Variants in SCYL2 observed in about 807,000 individuals in gnomAD.
SCYL2 encodes SCY1-like protein 2.
A neutral mutation model predicts 100.4 loss-of-function variants in SCYL2; 36 were observed. That is an observed-to-expected ratio of 0.36 (90% CI 0.27 to 0.47). The LOEUF is 0.47. Ranked by LOEUF, SCYL2 falls within the 20% of genes least tolerant of loss-of-function variation. The pLI is 1.00. For missense variants in SCYL2, 902 were observed against 1,083.9 expected (o/e 0.83, Z 2.36); for synonymous variants, 330 against 359.2 (o/e 0.92, Z 0.92).
intron 14 of SCYL2, among the ~76,000 whole-genome samples, chr12:100,334,522 C>G (rs1342040498): frequency 2.0e-5 from 3 of 151,940 alleles, no homozygotes; most frequent in Non-Finnish European, 4.4e-5. Context: ...AAAGAAAATT[C>G]TGTTTCTGAA....
intron 14 of SCYL2, 97 bp downstream of exon 14, chr12:100,334,363 A>T: frequency 1.3e-6 from 1 of 767,256 alleles, no homozygotes; most frequent in South Asian, 1.5e-5. Flanking sequence ...AACTTGCTGG[A>T]TTTAAATTTG....
chr12:100,315,059 C>T (rs1200927944), intron 8 of SCYL2, among the ~76,000 whole-genome samples: 1 of 152,176 alleles, frequency 6.6e-6, no homozygotes, highest in Non-Finnish European at 1.5e-5. Context: ...GTTGTAAAAA[C>T]ATTTCCAGTG....
chr12:100,339,894 C>CT lies in SCYL2; in HGVS notation c.*728dup, dbSNP rs1952331453. The CT allele has an allele frequency of 6.6e-6, 1 of 152,406 alleles. No homozygotes were observed. Among genetic ancestry groups the CT allele is most frequent in the Non-Finnish European group, 1.5e-5 (1 of 67,998 alleles). The allele number at this position is 152,406 out of a possible 1,614,324, so 9.4% of individuals were successfully genotyped here. Reference sequence around the variant, plus strand: ...ATTCACTTGGATATATTTAGAATCACTTTTTTCCTCCTGTATCAAGGAAGA... The same window carrying CT: ...ATTCACTTGGATATATTTAGAATCACTTTTTTTCCTCCTGTATCAAGGAAGA... On this transcript the variant is annotated 3_prime_UTR_variant, in exon 18 of 18. Transcript: ENST00000360820.
At chr12:100,298,302 T>C (rs1385521841) in intron 4 of SCYL2, 127 bp downstream of exon 4, 1 of 649,974 alleles carries the variant, frequency 1.5e-6, no homozygotes. Flanking sequence ...AATTTAGTCA[T>C]TATTCCTATG....
intron 1 of SCYL2, among the ~76,000 whole-genome samples, chr12:100,274,153 AAGTG>A (rs1397011626): frequency 2.6e-5 from 4 of 152,234 alleles, no homozygotes; most frequent in Admixed American, 2.0e-4. Context: ...TAATAGAAGA[AAGTG>A]GGTTATATTT....
At chr12:100,336,452 G>A (rs970509101) in intron 16 of SCYL2, among the ~76,000 whole-genome samples, 4 of 151,992 alleles carry the variant, frequency 2.6e-5, no homozygotes, top group Admixed American at 2.0e-4. Flanking sequence ...CAGAGTACTG[G>A]TCAGTTATTT....
intron 13 of SCYL2, chr12:100,333,502 C>T (rs1283767458): frequency 2.0e-5 from 3 of 152,088 alleles, no homozygotes; most frequent in African/African-American, 7.2e-5. Context: ...GGAGGAGAGC[C>T]ATTTCTAGAT....
intron 4 of SCYL2, among the ~76,000 whole-genome samples, chr12:100,309,206 T>C (rs1018309028): frequency 6.6e-6 from 1 of 152,126 alleles, no homozygotes; most frequent in Non-Finnish European, 1.5e-5. Flanking sequence ...TGTAGGATTC[T>C]ATTTGGCCAT....
At chr12:100,295,019 G>A (rs1412040154) in intron 3 of SCYL2, among the ~76,000 whole-genome samples, 11 of 151,500 alleles carry the variant, frequency 7.3e-5, no homozygotes, top group Admixed American at 5.9e-4. Context: ...CCTCCCAGAC[G>A]GGGTCGCGGC....
rs2096361703 is a variant in SCYL2, at chr12:100,326,284, A to T, written c.1510-338A>T. 2.6e-5 allele frequency among the ~76,000 whole-genome samples: 4 copies of T among 152,138 alleles called. No individual in the cohort carries two copies. The South Asian group carries it at 8.3e-4, about 31-fold the overall frequency. On this transcript the variant is annotated intron_variant, in intron 11 of 17. Transcript: ENST00000360820. ...TGCAAAGAATGTAGTCCTTTTTATT[A>T]TTCAAATGTCCCCAAAGGAGTGTTC... is the stretch of plus-strand genomic sequence containing the variant.
chr12:100,317,595 A>G, intron 9 of SCYL2: 3 of 1,191,568 alleles, frequency 2.5e-6, no homozygotes, highest in South Asian at 2.2e-5. Context: ...TTTAATTAAC[A>G]TTTAAACTCA....
At chr12:100,305,504 A>G (rs2096333155) in intron 4 of SCYL2, among the ~76,000 whole-genome samples, 1 of 152,246 alleles carries the variant, frequency 6.6e-6, no homozygotes, top group Admixed American at 6.5e-5. Context: ...CAGCTAAAGC[A>G]GTATGTAGAG....
chr12:100,271,696 C>T (rs537088883), intron 1 of SCYL2, among the ~76,000 whole-genome samples: 4 of 152,222 alleles, frequency 2.6e-5, no homozygotes, highest in South Asian at 2.1e-4. Context: ...GATGTAATTA[C>T]GGTAAGCCTT....
intron 4 of SCYL2, among the ~76,000 whole-genome samples, chr12:100,300,246 T>C (rs2135873382): frequency 6.6e-6 from 1 of 152,330 alleles, no homozygotes; most frequent in East Asian, 1.9e-4. Context: ...AGTACATAAT[T>C]TGCATAATTT....
At chr12:100,294,790 G>A (rs1297384063) in intron 3 of SCYL2, among the ~76,000 whole-genome samples, 17 of 136,358 alleles carry the variant, frequency 1.2e-4, no homozygotes, top group African/African-American at 3.6e-4. Context: ...CTGGCCGGGC[G>A]GGGGGCTGAC....
intron 11 of SCYL2, among the ~76,000 whole-genome samples, chr12:100,324,398 T>C (rs1324714395): frequency 1.3e-5 from 2 of 152,170 alleles, no homozygotes; most frequent in South Asian, 2.1e-4. Context: ...GTTCTTGATA[T>C]TGATTTTTGA....
At position 100,339,991 on chromosome 12, in the gene SCYL2, T is replaced by A. The variant is rs567167059; in HGVS notation, c.*819T>A. ...ACTTCCCTGACTACTACCTTCATAT[T>A]TCATTTCAAATTCAAACTTCTGAGG... is the stretch of plus-strand genomic sequence containing the variant. On this transcript the variant is annotated 3_prime_UTR_variant, in exon 18 of 18. Transcript: ENST00000360820. The A allele has an allele frequency of 6.5e-6, 1 of 152,742 alleles. No homozygotes were observed. The highest frequency in any genetic ancestry group is 6.5e-5 in the Admixed American group (1 of 15,302). 9.5% of individuals were successfully genotyped at this position (152,742 alleles called of 1,614,324 possible). A position where few individuals can be genotyped will look rare whatever the true frequency, so the allele number is the denominator to read the frequency against.
intron 2 of SCYL2, among the ~76,000 whole-genome samples, chr12:100,285,684 A>C (rs531750975): frequency 1.3e-5 from 2 of 152,340 alleles, no homozygotes; most frequent in African/African-American, 4.8e-5. Context: ...TAATTCAAAC[A>C]TAGAATTTAT....
At chr12:100,274,595 A>G (rs569176347) in intron 1 of SCYL2, among the ~76,000 whole-genome samples, 1 of 152,320 alleles carries the variant, frequency 6.6e-6, no homozygotes, top group African/African-American at 2.4e-5. Flanking sequence ...TTCTCATAGA[A>G]TTAAATCTAC....
Sources: gnomAD v4.1 joint callset for allele counts (sites outside exome capture counted in the v4.1 genomes callset) on GRCh38, gnomAD v4.1.1 for gene constraint, MANE v1.5 for transcripts, NCBI Gene and HGNC (gene_info 2026-07-23, HGNC 2026-07-21) for gene names.